CDON: variants seen among roughly 807,000 people sequenced by gnomAD.
CDON encodes the protein cell adhesion associated, oncogene regulated.
CDON carries 73 observed loss-of-function variants against 120.9 expected under a neutral mutation model. The ratio of observed to expected loss-of-function variants is 0.60; its 90% CI spans 0.50 to 0.73. The LOEUF is 0.73. Ranked by LOEUF, CDON falls within the 30% of genes least tolerant of loss-of-function variation. The pLI, the probability that CDON is intolerant of heterozygous loss-of-function variation, is 0.00. For missense variants in CDON, 1,470 were observed against 1,587.3 expected (o/e 0.93, Z 1.26); for synonymous variants, 566 against 573.5 (o/e 0.99, Z 0.19).
intron 12 of CDON, among the ~76,000 whole-genome samples, chr11:125,996,681 C>T (rs1231454615): frequency 9.7e-6 from 1 of 103,180 alleles, no homozygotes; most frequent in Non-Finnish European, 1.7e-5. Flanking sequence ...GCCTAGGCGA[C>T]AGAGGGAGAC....
intron 15 of CDON, among the ~76,000 whole-genome samples, chr11:125,987,581 T>C (rs1946506070): frequency 6.6e-6 from 1 of 152,252 alleles, no homozygotes; most frequent in Admixed American, 6.5e-5. Flanking sequence ...TGAAAGTCTG[T>C]AGGTAGAACC....
chr11:125,996,721 A>G (rs2134539155), intron 12 of CDON, among the ~76,000 whole-genome samples: 1 of 150,852 alleles, frequency 6.6e-6, no homozygotes, highest in East Asian at 2.0e-4. Context: ...AAAAAAAAAA[A>G]AAGGCTAAGA....
At chr11:125,999,910 A>G (rs1015637201) in intron 11 of CDON, among the ~76,000 whole-genome samples, 1 of 152,162 alleles carries the variant, frequency 6.6e-6, no homozygotes, top group East Asian at 1.9e-4. Context: ...CTAACCTCTC[A>G]ATCTCTAAAC....
At chr11:126,037,782 G>C (rs1948140770) in intron 1 of CDON, among the ~76,000 whole-genome samples, 1 of 152,014 alleles carries the variant, frequency 6.6e-6, no homozygotes, top group African/African-American at 2.4e-5. Context: ...ATGATAGGCA[G>C]AACACTTACT....
At chr11:126,012,960 G>C (rs982719205) in intron 7 of CDON, among the ~76,000 whole-genome samples, 1 of 152,166 alleles carries the variant, frequency 6.6e-6, no homozygotes, top group Middle Eastern at 3.2e-3. Flanking sequence ...TTCAAAGGGA[G>C]TGCTTCTTAT....
chr11:125,960,975 C>A lies in CDON; in HGVS notation c.3762G>T (p.Pro1254=), dbSNP rs868433925. The change falls in exon 20 of 20, where the codon CCG becomes CCT. Residue 1254 remains proline (P), a synonymous_variant. Coordinates refer to ENST00000531738, the MANE Select transcript of CDON (RefSeq NM_001378964.1). Reference sequence around the variant, plus strand: ...CCCGGGGCTGCTGAAGGACCTCTGTCGGGCTGTCTAAAGGAATGCCAGGTG... The same window carrying A: ...CCCGGGGCTGCTGAAGGACCTCTGTAGGGCTGTCTAAAGGAATGCCAGGTG... The part of the protein sequence containing the change: ...WSPPGIPLDS[P]TEVLQQPRET 1.2e-6 allele frequency: 2 copies of A among 1,614,082 alleles called. No homozygotes were observed. Among genetic ancestry groups the A allele is most frequent in the Non-Finnish European group, 8.5e-7 (1 of 1,180,046 alleles).
At chr11:125,970,905 A>T (rs1565492425) in intron 18 of CDON, among the ~76,000 whole-genome samples, 3 of 152,204 alleles carry the variant, frequency 2.0e-5, no homozygotes, top group Non-Finnish European at 2.9e-5. Context: ...GAAAGCACTG[A>T]TCAATTTTTA....
chr11:126,041,079 C>T (rs1243555437), intron 1 of CDON, among the ~76,000 whole-genome samples: 1 of 151,018 alleles, frequency 6.6e-6, no homozygotes, highest in Non-Finnish European at 1.5e-5. Flanking sequence ...ATCCCAGCTA[C>T]TCAGGAGGCT....
intron 1 of CDON, among the ~76,000 whole-genome samples, chr11:126,030,356 G>A (rs945662310): frequency 2.0e-5 from 3 of 152,100 alleles, no homozygotes; most frequent in Admixed American, 6.5e-5. Flanking sequence ...TTGAAGCAAC[G>A]CCTTTGCTTT....
Position 126,004,083 on chromosome 11 carries a change from A to G in CDON, c.1852-7T>C, listed in dbSNP as rs1485744103. 1 of 1,613,692 alleles carries G rather than the reference A, an allele frequency of 6.2e-7. No individual in the cohort carries two copies. Among genetic ancestry groups the G allele is most frequent in the South Asian group, 1.1e-5 (1 of 91,046 alleles). On this transcript the variant is annotated splice_polypyrimidine_tract_variant and splice_region_variant and intron_variant, in intron 9 of 19. Transcript: ENST00000531738. ...TGCCAACCCCATCATCCAGCTGCCC[A>G]AGAGAAAACACACCAGAAAAGAAAA... is the stretch of plus-strand genomic sequence containing the variant.
At chr11:126,021,170 T>C in intron 3 of CDON, 78 bp downstream of exon 3, 1 of 1,475,808 alleles carries the variant, frequency 6.8e-7, no homozygotes, top group Admixed American at 1.8e-5. Context: ...GCCCATGGTC[T>C]TTCCCCTCTT....
intron 6 of CDON, among the ~76,000 whole-genome samples, 169 bp from the exon 7 acceptor site, chr11:126,015,679 T>C (rs927860766): frequency 2.0e-5 from 3 of 152,150 alleles, no homozygotes; most frequent in African/African-American, 7.2e-5. Context: ...TTAGAAATGT[T>C]CCACTAATAG....
chr11:126,046,985 T>A lies in CDON; in HGVS notation c.-62+15594A>T, dbSNP rs114609978. 4.1e-3 allele frequency among the ~76,000 whole-genome samples: 630 copies of A among 152,338 alleles called. 5 individuals are homozygous for A. The highest frequency in any genetic ancestry group is 0.014 in the African/African-American group (575 of 41,576). On this transcript the variant is annotated intron_variant, in intron 1 of 19. Transcript: ENST00000531738. ...CAGATGTAACAATCATGCTCAGTAT[T>A]TAAGTATACATCTGAAAATTCCAGG...
At chr11:125,963,563 C>T (rs538218225) in intron 18 of CDON, among the ~76,000 whole-genome samples, 86 of 152,182 alleles carry the variant, frequency 5.7e-4, no homozygotes, top group Admixed American at 1.8e-3. Flanking sequence ...ACTGGAAATA[C>T]CAAATCTTAA....
intron 13 of CDON, 76 bp downstream of exon 13, chr11:125,994,790 CTGTAT>C (rs1490402095): frequency 4.0e-6 from 5 of 1,249,210 alleles, no homozygotes; most frequent in Non-Finnish European, 4.6e-6. Context: ...TTGCTGTTTA[CTGTAT>C]TGTGTCATGA....
chr11:125,984,210 T>C, intron 15 of CDON, 117 bp from the exon 16 acceptor site: 1 of 740,018 alleles, frequency 1.4e-6, no homozygotes, highest in Non-Finnish European at 2.4e-6. Flanking sequence ...CTCTTGTTAC[T>C]GAGATGACCT....
At chr11:125,975,296 T>G (rs1161182035) in intron 18 of CDON, among the ~76,000 whole-genome samples, 4 of 152,260 alleles carry the variant, frequency 2.6e-5, no homozygotes, top group Non-Finnish European at 4.4e-5. Context: ...TACCTCTGTC[T>G]GAGAATCACT....
At chr11:126,018,180 G>A (rs1591391832) in intron 5 of CDON, 150 bp downstream of exon 5, 1 of 788,224 alleles carries the variant, frequency 1.3e-6, no homozygotes, top group Non-Finnish European at 2.1e-6. Context: ...GATCACAGGG[G>A]TGACCCACCA....
Position 126,004,011 on chromosome 11 carries a change from C to G in CDON, c.1917G>C (p.Glu639Asp), listed in dbSNP as rs998670367. 3.1e-6 allele frequency: 5 copies of G among 1,613,880 alleles called. No homozygotes were observed. The South Asian group carries it at 5.5e-5, about 18-fold the overall frequency. The change falls in exon 10 of 20, where the codon GAG becomes GAC. Residue 639 changes from glutamate to aspartate, a missense_variant. Transcript: ENST00000531738. ...HTVRVPGSENELHLAELEPSS... is the reference protein window; with the variant it reads ...HTVRVPGSENDLHLAELEPSS... ...ATGGCTCCAGCTCAGCTAAATGGAGCTCATTTTCACTTCCTGGGACTCGAA... is the reference window on the plus strand; with the variant it reads ...ATGGCTCCAGCTCAGCTAAATGGAGGTCATTTTCACTTCCTGGGACTCGAA...
Sources: gnomAD v4.1 joint callset for allele counts (sites outside exome capture counted in the v4.1 genomes callset) on GRCh38, gnomAD v4.1.1 for gene constraint, MANE v1.5 for transcripts, NCBI Gene and HGNC (gene_info 2026-07-23, HGNC 2026-07-21) for gene names.